PRKD1: variants seen among roughly 807,000 people sequenced by gnomAD.
The protein encoded by PRKD1 is serine/threonine-protein kinase D1.
In PRKD1, 63 loss-of-function variants were observed where a neutral mutation model predicts 95.9. The observed-to-expected ratio is 0.66, with a 90% CI of 0.54 to 0.81. The LOEUF (loss-of-function observed/expected upper bound fraction) is 0.81, where lower values mean the gene tolerates loss of function less well. Among genes scored for constraint, PRKD1 ranks in the 30% least tolerant of loss-of-function variants. PRKD1 has a pLI of 0.00. For synonymous variants in PRKD1, 425 were observed against 423.1 expected (o/e 1.00, Z -0.05); for missense variants, 1,048 against 1,165.3 (o/e 0.90, Z 1.47).
chr14:29,603,998 T>C (rs959027873), intron 13 of PRKD1, among the ~76,000 whole-genome samples: 4 of 152,206 alleles, frequency 2.6e-5, no homozygotes, highest in African/African-American at 9.6e-5. Flanking sequence ...ATATCGTTTG[T>C]AGATCAAGAC....
chr14:29,626,615 A>AAATTAATAT (rs1197744211), intron 11 of PRKD1, 59 bp from the exon 12 acceptor site: 1 of 1,001,410 alleles, frequency 1.0e-6, no homozygotes, highest in South Asian at 2.2e-5. Flanking sequence ...TTAGTCCTAA[A>AAATTAATAT]AATTAATATA....
chr14:29,733,069 TTTC>T lies in PRKD1; in HGVS notation c.265-7398_265-7396del, dbSNP rs367892115. Among the ~76,000 whole-genome samples the T allele has an allele frequency of 5.9e-3, 890 of 150,924 alleles. 7 individuals are homozygous for T. The highest frequency in any genetic ancestry group is 0.02 in the African/African-American group (830 of 41,378). ...TCCATTGCTATGAGTTCACTGATATTTTCTTTTCTTTTTTTATTTTTTTAATTT... is the reference window on the plus strand; with the variant it reads ...TCCATTGCTATGAGTTCACTGATATTTTTTCTTTTTTTATTTTTTTAATTT... On this transcript the variant is annotated intron_variant, in intron 1 of 17. Coordinates refer to ENST00000331968, the MANE Select transcript of PRKD1 (RefSeq NM_002742.3).
chr14:29,631,937 G>A lies in PRKD1; in HGVS notation c.1393-916C>T, dbSNP rs571462693. On this transcript the variant is annotated intron_variant, in intron 9 of 17. Coordinates refer to ENST00000331968, the MANE Select transcript of PRKD1 (RefSeq NM_002742.3). ...CTGCCTCAGCATCCTGAGTAGCTGA[G>A]ATTACAGGTGCATCCCATCACGACT... is the stretch of plus-strand genomic sequence containing the variant. Among the ~76,000 whole-genome samples, 4 of 152,142 alleles carry A rather than the reference G, an allele frequency of 2.6e-5. No individual in the cohort carries two copies. In the South Asian group the frequency reaches 8.3e-4, roughly 32 times the overall value.
At chr14:29,878,483 C>T (rs1025511568) in intron 1 of PRKD1, among the ~76,000 whole-genome samples, 1 of 152,040 alleles carries the variant, frequency 6.6e-6, no homozygotes, top group Non-Finnish European at 1.5e-5. Flanking sequence ...TACTATTCCC[C>T]ACAGCCAAAA....
intron 16 of PRKD1, among the ~76,000 whole-genome samples, chr14:29,588,790 TTGTGTGTGTGTGTGTGTGTGTGTG>T: frequency 1.4e-5 from 2 of 145,430 alleles, no homozygotes; most frequent in East Asian, 4.1e-4. Flanking sequence ...ATTCCTAAAG[TTGTGTGTGTGTGTGTGTGTGTGTG>T]TGTGTGTGTG....
At chr14:29,926,542 C>T (rs1389036504) in intron 1 of PRKD1, among the ~76,000 whole-genome samples, 2 of 152,310 alleles carry the variant, frequency 1.3e-5, no homozygotes, top group East Asian at 3.9e-4. Flanking sequence ...CAGAGCCCCA[C>T]AGCCTCAAAC....
chr14:29,680,392 T>C (rs1341237075), intron 2 of PRKD1, among the ~76,000 whole-genome samples: 1 of 152,022 alleles, frequency 6.6e-6, no homozygotes, highest in Non-Finnish European at 1.5e-5. Context: ...GCAGAAAGAA[T>C]AGACACACTT....
At chr14:29,924,909 A>G (rs1476823940) in intron 1 of PRKD1, among the ~76,000 whole-genome samples, 1 of 152,152 alleles carries the variant, frequency 6.6e-6, no homozygotes, top group African/African-American at 2.4e-5. Flanking sequence ...CTGCTGGGAT[A>G]ATAATATATT....
chr14:29,634,605 A>G, intron 7 of PRKD1, 64 bp from the exon 8 acceptor site: 4 of 1,587,612 alleles, frequency 2.5e-6, no homozygotes, highest in Admixed American at 1.7e-5. Context: ...ATTTTCATGC[A>G]TAAAACCTTA....
At chr14:29,604,604 C>T (rs1448431574) in intron 13 of PRKD1, among the ~76,000 whole-genome samples, 1 of 152,084 alleles carries the variant, frequency 6.6e-6, no homozygotes, top group Admixed American at 6.6e-5. Flanking sequence ...CTCATTCCTG[C>T]CAGTTTGCCA....
rs1880101827 is a variant in PRKD1, at chr14:29,632,789, A to G, written c.1392+80T>C. ...AAAAATAGCCACGTTTGTTGGATGT[A>G]TTTCCTATTTCTTATACTCTACATT... is the stretch of plus-strand genomic sequence containing the variant. On this transcript the variant is annotated intron_variant, in intron 9 of 17. Transcript: ENST00000331968. The G allele has an allele frequency of 2.3e-6, 3 of 1,299,904 alleles. No homozygotes were observed. In the East Asian group the frequency reaches 7.0e-5, roughly 30 times the overall value. 80.5% of individuals were successfully genotyped at this position (1,299,904 alleles called of 1,614,324 possible).
intron 2 of PRKD1, among the ~76,000 whole-genome samples, chr14:29,698,357 T>C (rs528418670): frequency 3.6e-4 from 55 of 152,230 alleles, no homozygotes; most frequent in African/African-American, 1.3e-3. Flanking sequence ...AAGCTTTTTC[T>C]TTTTTACAGT....
At position 29,632,957 on chromosome 14, in the gene PRKD1, A is replaced by C. The variant is rs776879585; in HGVS notation, c.1315-11T>G. 4.4e-6 allele frequency: 7 copies of C among 1,606,150 alleles called. No homozygotes were observed. Among genetic ancestry groups the C allele is most frequent in the Non-Finnish European group, 4.3e-6 (5 of 1,172,884 alleles). ...ATAGTGCCGTTTCCGCTGAAACAGA[A>C]GTTAGATCCAAGATCTTTTTAAAAA... On this transcript the variant is annotated splice_polypyrimidine_tract_variant and intron_variant, in intron 8 of 17. Transcript: ENST00000331968.
chr14:29,792,324 T>A (rs1335945361), intron 1 of PRKD1, among the ~76,000 whole-genome samples: 2 of 152,104 alleles, frequency 1.3e-5, no homozygotes, highest in Non-Finnish European at 2.9e-5. Flanking sequence ...TGAAATTGTG[T>A]TAAAATGAAA....
At chr14:29,901,646 C>T (rs1894322179) in intron 1 of PRKD1, among the ~76,000 whole-genome samples, 1 of 152,170 alleles carries the variant, frequency 6.6e-6, no homozygotes, top group Non-Finnish European at 1.5e-5. Context: ...CTTTAATCAA[C>T]TTACATTTGC....
chr14:29,925,501 T>A (rs542609705), intron 1 of PRKD1, among the ~76,000 whole-genome samples: 6 of 152,228 alleles, frequency 3.9e-5, no homozygotes, highest in Admixed American at 6.5e-5. Flanking sequence ...TCCCTCTCCC[T>A]CTGCTCTCGT....
At chr14:29,811,433 C>T (rs1014104254) in intron 1 of PRKD1, among the ~76,000 whole-genome samples, 1 of 152,160 alleles carries the variant, frequency 6.6e-6, no homozygotes, top group African/African-American at 2.4e-5. Flanking sequence ...TGCTCGAGCC[C>T]ACAGGCAGAA....
At chr14:29,741,699 T>A (rs1886986280) in intron 1 of PRKD1, among the ~76,000 whole-genome samples, 1 of 152,048 alleles carries the variant, frequency 6.6e-6, no homozygotes, top group African/African-American at 2.4e-5. Flanking sequence ...TCCACATGAT[T>A]TCTAATTGGC....
intron 16 of PRKD1, 26 bp from the exon 17 acceptor site, chr14:29,578,386 G>A (rs1351980298): frequency 6.6e-7 from 1 of 1,523,912 alleles, no homozygotes; most frequent in South Asian, 1.1e-5. Context: ...AGTAAAAATA[G>A]ATGACAAATC....
Sources: gnomAD v4.1 joint callset for allele counts (sites outside exome capture counted in the v4.1 genomes callset) on GRCh38, gnomAD v4.1.1 for gene constraint, MANE v1.5 for transcripts, NCBI Gene and HGNC (gene_info 2026-07-23, HGNC 2026-07-21) for gene names.